The following ATP6V0A1 variants were observed in gnomAD, a reference collection of about 807,000 sequenced individuals.
ATP6V0A1 encodes ATPase H+ transporting V0 subunit a1, also known as V-type proton ATPase 116 kDa subunit a 1.
In ATP6V0A1, 43 loss-of-function variants were observed where a neutral mutation model predicts 105.4. The ratio of observed to expected loss-of-function variants is 0.41; its 90% confidence interval spans 0.32 to 0.53. ATP6V0A1 has a LOEUF of 0.53. Among genes scored for constraint, ATP6V0A1 ranks in the 20% least tolerant of loss-of-function variants. ATP6V0A1 has a pLI of 0.30. For missense variants in ATP6V0A1, 676 were observed against 1,051.1 expected, an observed-to-expected ratio of 0.64 and a Z score of 4.93; for synonymous variants, 362 against 372.8, an observed-to-expected ratio of 0.97 and a Z score of 0.33.
chr17:42,477,904 C>T (rs532385817), intron 6 of ATP6V0A1, among the ~76,000 whole-genome samples, 162 bp downstream of exon 6: 8 of 152,246 alleles, frequency 5.3e-5, no homozygotes, highest in African/African-American at 1.7e-4. Flanking sequence ...GTTGCTCTGT[C>T]AGCTCTCTGC....
At chr17:42,513,432 G>A (rs1178790052) in intron 19 of ATP6V0A1, 1 of 167,232 alleles carries the variant, frequency 6.0e-6, no homozygotes, top group Admixed American at 5.6e-5. Context: ...AGCGCACTCT[G>A]GGGAAAATCC....
At chr17:42,478,623 T>C in intron 7 of ATP6V0A1, 34 bp downstream of exon 7, 1 of 1,532,536 alleles carries the variant, frequency 6.5e-7, no homozygotes, top group Non-Finnish European at 8.8e-7. Context: ...GTGGAGTAGG[T>C]CTTGTAAAGG....
At chr17:42,511,795 T>C (rs112786596) in intron 19 of ATP6V0A1, among the ~76,000 whole-genome samples, 9,127 of 151,736 alleles carry the variant, frequency 0.06, 941 homozygotes, top group African/African-American at 0.21. Context: ...CATGGTGAAA[T>C]CCCATCTTTA....
At chr17:42,517,348 G>GT (rs1456133479) in intron 21 of ATP6V0A1, among the ~76,000 whole-genome samples, 4 of 152,060 alleles carry the variant, frequency 2.6e-5, no homozygotes, top group Admixed American at 2.6e-4. Context: ...TCTGCCTGGG[G>GT]TCCCCCATAA....
Position 42,490,570 on chromosome 17 carries a change from G to A in ATP6V0A1, c.1107G>A (p.Lys369=), listed in dbSNP as rs1413618399. ...QTPPTYNKTN[K]FTYGFQNIVD... is the part of the protein sequence containing the mutation. ...CCCCAACCTATAACAAAACCAACAA[G>A]TTTACCTATGGCTTTCAGAACATAG... is the stretch of plus-strand genomic sequence containing the variant. The change falls in exon 11 of 22, where the codon AAG becomes AAA. Residue 369 remains lysine, a synonymous_variant. Transcript: ENST00000343619. 6.2e-7 allele frequency: 1 copy of A among 1,613,476 alleles called. No individual in the cohort carries two copies. Among genetic ancestry groups the A allele is most frequent in the Non-Finnish European group, 8.5e-7 (1 of 1,179,786 alleles).
At chr17:42,477,828 T>C (rs1391036208) in intron 6 of ATP6V0A1, 86 bp downstream of exon 6, 1 of 1,122,100 alleles carries the variant, frequency 8.9e-7, no homozygotes, top group Admixed American at 2.0e-5. Context: ...GGGATTCACT[T>C]GCTACCAGGA....
chr17:42,476,535 T>C (rs2088772274), intron 5 of ATP6V0A1, among the ~76,000 whole-genome samples: 2 of 152,212 alleles, frequency 1.3e-5, no homozygotes, highest in South Asian at 4.1e-4. Flanking sequence ...AAGTATTGCC[T>C]GGGTATTAGA....
chr17:42,507,406 G>T, intron 17 of ATP6V0A1, 114 bp from the exon 18 acceptor site: 1 of 750,530 alleles, frequency 1.3e-6, no homozygotes, highest in East Asian at 2.6e-5. Flanking sequence ...TTTTGTTTTT[G>T]TTGTTAGACA....
chr17:42,514,355 G>A lies in ATP6V0A1; in HGVS notation c.2315G>A (p.Gly772Asp). The change falls in exon 21 of 22, where the codon GGT becomes GAT. Residue 772 changes from glycine (G) to aspartate (D), a missense_variant. By Grantham distance (94) the Gly-to-Asp change is moderately conservative. Transcript: ENST00000343619. ...IGLSVKSLAG[G>D]LVLFFFFTAF... ...CTGAGCGTGAAGAGCTTGGCGGGAG[G>A]TTTGGTGCTGTTCTTCTTCTTCACT... 2 of 1,613,812 alleles carry A rather than the reference G, an allele frequency of 1.2e-6. No individual in the cohort carries two copies. The highest frequency in any genetic ancestry group is 1.7e-6 in the Non-Finnish European group (2 of 1,179,822).
chr17:42,481,283 G>A (rs2089472237), intron 8 of ATP6V0A1: 1 of 151,014 alleles, frequency 6.6e-6, no homozygotes, highest in South Asian at 2.1e-4. Context: ...GTACGATGGT[G>A]CGATCTTGGA....
Position 42,476,692 on chromosome 17 carries a change from C to T in ATP6V0A1, c.424-968C>T, listed in dbSNP as rs116657373. 5.6e-3 allele frequency among the ~76,000 whole-genome samples: 856 copies of T among 152,062 alleles called. 7 individuals carry two copies. Among genetic ancestry groups the T allele is most frequent in the African/African-American group, 0.02 (828 of 41,472 alleles). ...GTAGAGAGAGGCTAGGAAATGTAGA[C>T]CTGCGTGTGGGAAGATCCTTCTTCA... On this transcript the variant is annotated intron_variant, in intron 5 of 21. Transcript: ENST00000343619.
chr17:42,493,203 A>G (rs1476292511), intron 11 of ATP6V0A1, among the ~76,000 whole-genome samples: 9 of 152,216 alleles, frequency 5.9e-5, no homozygotes, highest in African/African-American at 2.2e-4. Context: ...AAATGTAGCA[A>G]GTATTGGCCA....
Position 42,503,113 on chromosome 17 carries a change from A to G in ATP6V0A1, c.2004+1809A>G, listed in dbSNP as rs1245114588. Among the ~76,000 whole-genome samples, 3 of 152,172 alleles carry G rather than the reference A, an allele frequency of 2.0e-5. No individual in the cohort carries two copies. In the East Asian group the frequency reaches 5.8e-4, roughly 29 times the overall value. On this transcript the variant is annotated intron_variant, in intron 17 of 21. Transcript: ENST00000343619. ...AAGTACAGGCATGTCCATGGCAACAAAGTGGCTTGTTGTACCCTCACTGAG... is the reference window on the plus strand; with the variant it reads ...AAGTACAGGCATGTCCATGGCAACAGAGTGGCTTGTTGTACCCTCACTGAG...
intron 19 of ATP6V0A1, chr17:42,513,533 T>C (rs1470275793): frequency 3.9e-6 from 1 of 256,462 alleles, no homozygotes; most frequent in Non-Finnish European, 7.6e-6. Flanking sequence ...ACTCCTCTCT[T>C]GAGCACAGAG....
At chr17:42,520,598 C>T in intron 21 of ATP6V0A1, 1 of 457,358 alleles carries the variant, frequency 2.2e-6, no homozygotes, top group Non-Finnish European at 4.4e-6. Context: ...TTTGCTCCCC[C>T]AAGGAAAAAT....
At chr17:42,513,680 G>A (rs1008525800) in intron 19 of ATP6V0A1, 181 bp from the exon 20 acceptor site, 16 of 618,156 alleles carry the variant, frequency 2.6e-5, no homozygotes, top group Middle Eastern at 8.5e-4. Context: ...AGGCATTGCC[G>A]AAATCACCAC....
intron 10 of ATP6V0A1, among the ~76,000 whole-genome samples, chr17:42,487,952 T>C (rs1020306195): frequency 1.3e-5 from 2 of 152,200 alleles, no homozygotes; most frequent in Non-Finnish European, 2.9e-5. Context: ...TTTGGTCATA[T>C]GCCCATGATT....
At chr17:42,504,834 C>T (rs2091915026) in intron 17 of ATP6V0A1, among the ~76,000 whole-genome samples, 1 of 152,180 alleles carries the variant, frequency 6.6e-6, no homozygotes, top group South Asian at 2.1e-4. Context: ...TCCTCCTCTT[C>T]AGGGGGCATT....
chr17:42,504,872 C>T (rs546097096), intron 17 of ATP6V0A1, among the ~76,000 whole-genome samples: 26 of 152,296 alleles, frequency 1.7e-4, no homozygotes, highest in Middle Eastern at 3.4e-3. Context: ...TTGCCTCTGA[C>T]AGATATCTGC....
Sources: gnomAD v4.1 joint callset for allele counts (sites outside exome capture counted in the v4.1 genomes callset) on GRCh38, gnomAD v4.1.1 for gene constraint, MANE v1.5 for transcripts, NCBI Gene and HGNC (gene_info 2026-07-23, HGNC 2026-07-21) for gene names.